The following ASIC2 variants were observed in gnomAD, a reference collection of about 807,000 sequenced individuals.
The protein encoded by ASIC2 is acid-sensing ion channel 2.
Under a neutral mutation model 57.3 loss-of-function variants are expected in ASIC2, and 25 were observed. That is an observed-to-expected ratio of 0.44 (90% CI 0.32 to 0.61). ASIC2 has a LOEUF of 0.61. ASIC2 is among the 20% of genes least tolerant of loss of function. The pLI is 0.06. For synonymous variants in ASIC2, 319 were observed against 307.5 expected (o/e 1.04, Z -0.39); for missense variants, 641 against 738.1 (o/e 0.87, Z 1.52).
intron 3 of ASIC2, among the ~76,000 whole-genome samples, chr17:33,030,454 A>G (rs928181281): frequency 2.0e-5 from 3 of 152,052 alleles, no homozygotes; most frequent in Non-Finnish European, 4.4e-5. Flanking sequence ...TCAGTAGTTC[A>G]TTCTCTTTTA....
At chr17:33,094,658 T>C (rs1181500218) in intron 2 of ASIC2, among the ~76,000 whole-genome samples, 1 of 152,148 alleles carries the variant, frequency 6.6e-6, no homozygotes, top group African/African-American at 2.4e-5. Context: ...AGCAAGTGCA[T>C]AGGGATGGAG....
chr17:33,533,371 T>G (rs1387483155), intron 1 of ASIC2: 1 of 152,328 alleles, frequency 6.6e-6, no homozygotes, highest in South Asian at 2.1e-4. Context: ...TGTTTCAGTA[T>G]GCTCTTCCTC....
chr17:33,902,217 A>G (rs1256332952), intron 1 of ASIC2, among the ~76,000 whole-genome samples: 1 of 152,174 alleles, frequency 6.6e-6, no homozygotes, highest in Non-Finnish European at 1.5e-5. Flanking sequence ...AGCTTATCTT[A>G]TTCCTTCAGC....
At chr17:33,640,692 TGTTA>T (rs1425901627) in intron 1 of ASIC2, among the ~76,000 whole-genome samples, 10 of 152,206 alleles carry the variant, frequency 6.6e-5, no homozygotes, top group African/African-American at 1.7e-4. Flanking sequence ...TGCGTGTCAA[TGTTA>T]GTTATTTAGG....
At chr17:33,748,489 T>C (rs936137808) in intron 1 of ASIC2, among the ~76,000 whole-genome samples, 11 of 152,196 alleles carry the variant, frequency 7.2e-5, no homozygotes, top group Non-Finnish European at 1.5e-4. Flanking sequence ...GAAATAATGG[T>C]GCATTATTTA....
At position 34,002,142 on chromosome 17, in the gene ASIC2, A is replaced by C. The variant is rs565913725; in HGVS notation, c.555+153836T>G. On this transcript the variant is annotated intron_variant, in intron 1 of 9. Transcript: ENST00000359872. ...TATTCTTGTCCACGATTGTCTATCA[A>C]CTTCAAACCCATCCTTCTATACACT... 6.6e-5 allele frequency: 10 copies of C among 152,358 alleles called. No homozygotes were observed. The South Asian group carries it at 2.1e-3, about 32-fold the overall frequency. 9.4% of individuals were successfully genotyped at this position (152,358 alleles called of 1,614,324 possible).
At chr17:34,103,488 ATTTTT>A (rs1266647868) in intron 1 of ASIC2, among the ~76,000 whole-genome samples, 1 of 151,916 alleles carries the variant, frequency 6.6e-6, no homozygotes, top group Non-Finnish European at 1.5e-5. Flanking sequence ...TTTATCATTT[ATTTTT>A]TATTTTATTT....
Position 33,096,282 on chromosome 17 carries a change from C to T in ASIC2, c.860-7292G>A, listed in dbSNP as rs1407185136. Among the ~76,000 whole-genome samples, 3 of 152,228 alleles carry T rather than the reference C, an allele frequency of 2.0e-5. No individual in the cohort carries two copies. In the East Asian group the frequency reaches 5.8e-4, roughly 29 times the overall value. ...CCCAGAGCTGGAGCCTCACAGCAGT[C>T]CACATTTTTTCCCTCACTCCCTGGA... is the stretch of plus-strand genomic sequence containing the variant. On this transcript the variant is annotated intron_variant, in intron 2 of 9. Coordinates refer to ENST00000225823, the MANE Select transcript of ASIC2 (RefSeq NM_183377.2).
At chr17:33,076,215 T>C (rs572629611) in intron 3 of ASIC2, among the ~76,000 whole-genome samples, 2 of 152,362 alleles carry the variant, frequency 1.3e-5, no homozygotes, top group South Asian at 4.1e-4. Flanking sequence ...GGGAAACTTC[T>C]GAGCCATAGG....
chr17:34,084,442 C>T (rs995152112), intron 1 of ASIC2, among the ~76,000 whole-genome samples: 4 of 152,234 alleles, frequency 2.6e-5, no homozygotes, highest in Admixed American at 2.6e-4. Context: ...GTTTTGGTTA[C>T]TGTAGCCTTG....
Position 33,740,540 on chromosome 17 carries a change from G to A in ASIC2, c.555+415438C>T, listed in dbSNP as rs55852713. On this transcript the variant is annotated intron_variant, in intron 1 of 9. Transcript: ENST00000359872. ...TCCCATGATTCAATTACCTCCCACCGGATCCCTACCATGACACTTGGGGAT... is the reference window on the plus strand; with the variant it reads ...TCCCATGATTCAATTACCTCCCACCAGATCCCTACCATGACACTTGGGGAT... Among the ~76,000 whole-genome samples, 1,237 of 152,166 alleles carry A rather than the reference G, an allele frequency of 8.1e-3. 18 individuals carry two copies. The highest frequency in any genetic ancestry group is 0.055 in the South Asian group (263 of 4,822).
chr17:33,487,343 T>C (rs1349910896), intron 1 of ASIC2, among the ~76,000 whole-genome samples: 1 of 152,174 alleles, frequency 6.6e-6, no homozygotes. Flanking sequence ...CCCACATTGA[T>C]ACTGATGAAA....
chr17:33,725,720 A>T (rs1399773297), intron 1 of ASIC2, among the ~76,000 whole-genome samples: 1 of 56,052 alleles, frequency 1.8e-5, no homozygotes, highest in Non-Finnish European at 3.8e-5. Context: ...ACTATTAAGA[A>T]ACCCCCCCCC....
At chr17:34,051,658 G>C (rs1423993031) in intron 1 of ASIC2, 1 of 152,122 alleles carries the variant, frequency 6.6e-6, no homozygotes. Context: ...GAGCACCTCA[G>C]TGCATTCTTG....
At chr17:33,792,021 G>T (rs1257430422) in intron 1 of ASIC2, 1 of 152,014 alleles carries the variant, frequency 6.6e-6, no homozygotes, top group Non-Finnish European at 1.5e-5. Flanking sequence ...CGTTGCCCAG[G>T]TTTGTCTCGA....
intron 1 of ASIC2, among the ~76,000 whole-genome samples, chr17:33,148,348 C>T (rs1217521267): frequency 6.6e-6 from 1 of 152,224 alleles, no homozygotes; most frequent in African/African-American, 2.4e-5. Context: ...CAAGGTCACA[C>T]AGGAAGTGGC....
intron 1 of ASIC2, among the ~76,000 whole-genome samples, chr17:34,014,523 T>C (rs891811368): frequency 6.6e-6 from 1 of 152,172 alleles, no homozygotes; most frequent in African/African-American, 2.4e-5. Context: ...GAACTCCTTT[T>C]CTCAGGCTTT....
chr17:33,632,185 T>C (rs1181425814), intron 1 of ASIC2, among the ~76,000 whole-genome samples: 1 of 152,178 alleles, frequency 6.6e-6, no homozygotes, highest in African/African-American at 2.4e-5. Context: ...TTTGTGATGA[T>C]CAAATGATAT....
rs970516815 is a variant in ASIC2, at chr17:33,445,668, A to T, written c.556-333601T>A. Among the ~76,000 whole-genome samples the T allele has an allele frequency of 2.8e-4, 42 of 151,904 alleles. 1 individual carries two copies. The highest frequency in any genetic ancestry group is 5.0e-4 in the Non-Finnish European group (34 of 67,982). ...CAAAATTAGCTGGGCGTGGCGGCTC[A>T]TGCCTGTAATCCCAGCTACTCGAGA... On this transcript the variant is annotated intron_variant, in intron 1 of 9. Coordinates refer to the ASIC2 transcript ENST00000359872.
Sources: allele counts gnomAD v4.1 joint callset (sites outside exome capture counted in the v4.1 genomes callset), GRCh38; gene constraint gnomAD v4.1.1; transcripts MANE v1.5; gene names NCBI Gene and HGNC (gene_info 2026-07-23, HGNC 2026-07-21).